RANBP17: variants seen among roughly 807,000 people sequenced by gnomAD.
RANBP17 encodes the protein RAN binding protein 17, also known as ran-binding protein 17.
Under a neutral mutation model 141.2 loss-of-function variants are expected in RANBP17, and 158 were observed. That is an observed-to-expected ratio of 1.12 (90% CI 0.98 to 1.28). RANBP17 has a LOEUF of 1.28. Ranked by LOEUF, RANBP17 falls within the 50% of genes most tolerant of loss-of-function variation. The pLI is 0.00. For synonymous variants in RANBP17, 430 were observed against 450.0 expected, an observed-to-expected ratio of 0.96 and a Z score of 0.56; for missense variants, 1,438 against 1,290.7, an observed-to-expected ratio of 1.11 and a Z score of -1.75.
intron 14 of RANBP17, among the ~76,000 whole-genome samples, chr5:171,162,924 G>T (rs1759450740): frequency 6.6e-6 from 1 of 152,122 alleles, no homozygotes; most frequent in Non-Finnish European, 1.5e-5. Context: ...AGCAGACTGG[G>T]AATGCCTCTT....
At chr5:170,955,453 T>C (rs1189286658) in intron 13 of RANBP17, among the ~76,000 whole-genome samples, 3 of 74,574 alleles carry the variant, frequency 4.0e-5, no homozygotes, top group African/African-American at 1.2e-4. Context: ...AAGAGCTCAG[T>C]ATATATATAT....
chr5:171,191,903 G>A (rs542433357), intron 18 of RANBP17, among the ~76,000 whole-genome samples: 49 of 152,126 alleles, frequency 3.2e-4, no homozygotes, highest in Admixed American at 1.3e-3. Flanking sequence ...GGGGCTTGGG[G>A]GCAGTGAAAG....
chr5:171,021,162 C>G (rs1331759958), intron 14 of RANBP17, among the ~76,000 whole-genome samples: 1 of 152,162 alleles, frequency 6.6e-6, no homozygotes, highest in Non-Finnish European at 1.5e-5. Context: ...GTGGGCTTCC[C>G]TTTGTAAGTA....
chr5:171,080,225 C>T (rs909670272), intron 14 of RANBP17, among the ~76,000 whole-genome samples: 2 of 138,832 alleles, frequency 1.4e-5, no homozygotes, highest in Admixed American at 7.7e-5. Context: ...GATATATTAT[C>T]TTACATACAC....
chr5:170,869,370 G>A (rs1767525473), intron 1 of RANBP17, among the ~76,000 whole-genome samples: 1 of 148,140 alleles, frequency 6.8e-6, no homozygotes, highest in Admixed American at 6.8e-5. Context: ...TGTTTCCCAG[G>A]CTGGCCTTGA....
intron 5 of RANBP17, chr5:170,897,152 A>C (rs1157728251): frequency 1.2e-6 from 1 of 821,048 alleles, no homozygotes; most frequent in Non-Finnish European, 2.1e-6. Context: ...TGTATTTGAT[A>C]CCAAACAGCT....
chr5:171,069,634 A>G (rs1164822263), intron 14 of RANBP17, among the ~76,000 whole-genome samples: 2 of 152,230 alleles, frequency 1.3e-5, no homozygotes, highest in African/African-American at 4.8e-5. Context: ...TTAATGAGGT[A>G]TTCAACACTG....
intron 14 of RANBP17, among the ~76,000 whole-genome samples, chr5:171,032,410 T>C (rs1047811055): frequency 2.6e-5 from 4 of 152,172 alleles, no homozygotes; most frequent in African/African-American, 9.6e-5. Context: ...GAGTAATTGA[T>C]TGCTTCAAGC....
intron 5 of RANBP17, among the ~76,000 whole-genome samples, chr5:170,898,828 G>A (rs896004946): frequency 3.9e-5 from 6 of 152,132 alleles, no homozygotes; most frequent in Non-Finnish European, 8.8e-5. Context: ...TCAGATGGTT[G>A]TAGATGTAGA....
At chr5:171,192,790 T>C (rs796643268) in intron 18 of RANBP17, among the ~76,000 whole-genome samples, 6 of 152,316 alleles carry the variant, frequency 3.9e-5, no homozygotes, top group African/African-American at 1.4e-4. Flanking sequence ...AGGGCTATTA[T>C]TTTCCTGTGG....
chr5:171,154,734 C>A (rs563208281), intron 14 of RANBP17, among the ~76,000 whole-genome samples: 67 of 152,236 alleles, frequency 4.4e-4, no homozygotes, highest in African/African-American at 1.5e-3. Context: ...AACCATTTAA[C>A]TGTATAACCT....
chr5:171,032,007 A>G (rs957142613), intron 14 of RANBP17, among the ~76,000 whole-genome samples: 47 of 152,214 alleles, frequency 3.1e-4, no homozygotes, highest in African/African-American at 1.1e-3. Flanking sequence ...GTAAAATTGT[A>G]TATTCTTAGA....
chr5:170,932,219 G>C (rs907166079), intron 12 of RANBP17, among the ~76,000 whole-genome samples: 2 of 152,088 alleles, frequency 1.3e-5, no homozygotes, highest in African/African-American at 4.8e-5. Flanking sequence ...GTCTGTTATT[G>C]GTGTATAGGA....
chr5:170,885,450 T>C (rs1229524690), intron 3 of RANBP17, among the ~76,000 whole-genome samples: 2 of 152,162 alleles, frequency 1.3e-5, no homozygotes, highest in East Asian at 3.9e-4. Flanking sequence ...GAGCTGTTGG[T>C]GAGAGCAGGC....
intron 25 of RANBP17, among the ~76,000 whole-genome samples, chr5:171,279,429 G>A (rs933904599): frequency 6.6e-6 from 1 of 152,150 alleles, no homozygotes; most frequent in African/African-American, 2.4e-5. Flanking sequence ...ATCTAATGGA[G>A]GTGGGTGGAA....
chr5:171,171,478 G>A (rs550146779), intron 16 of RANBP17, among the ~76,000 whole-genome samples, 192 bp downstream of exon 16: 19 of 151,960 alleles, frequency 1.3e-4, no homozygotes, highest in Admixed American at 6.6e-4. Context: ...GCATTTAGTC[G>A]GAATCACTGT....
intron 14 of RANBP17, among the ~76,000 whole-genome samples, chr5:171,089,232 T>A (rs1396545954): frequency 8.8e-6 from 1 of 113,754 alleles, no homozygotes. Context: ...GAGGTGTCAG[T>A]GTGCCCCTGC....
chr5:170,928,772 T>G (rs1773121897), intron 12 of RANBP17, among the ~76,000 whole-genome samples: 1 of 25,254 alleles, frequency 4.0e-5, no homozygotes, highest in Non-Finnish European at 1.5e-4. Context: ...TATTTAACCT[T>G]TTTTTTTTTT....
rs539912042 is a variant in RANBP17 at position 171,047,357 on chromosome 5, T to G, written c.1710+78980T>G. 9.9e-5 allele frequency among the ~76,000 whole-genome samples: 15 copies of G among 151,618 alleles called. No homozygotes were observed. The South Asian group carries it at 2.5e-3, about 25-fold the overall frequency. ...CTTAATGGGTAATGATGTTGAACGG[T>G]TTTTTTTTCCACAAACTTAATTGCC... is the stretch of plus-strand genomic sequence containing the variant. On this transcript the variant is annotated intron_variant, in intron 14 of 27. Transcript: ENST00000523189.
Sources: gnomAD v4.1 joint callset for allele counts (sites outside exome capture counted in the v4.1 genomes callset) on GRCh38, gnomAD v4.1.1 for gene constraint, MANE v1.5 for transcripts, NCBI Gene and HGNC (gene_info 2026-07-23, HGNC 2026-07-21) for gene names.